Variants in KCNH1 observed in about 807,000 individuals in gnomAD.
The protein encoded by KCNH1 is voltage-gated delayed rectifier potassium channel KCNH1.
In KCNH1, 27 loss-of-function variants were observed where a neutral mutation model predicts 69.2. The ratio of observed to expected loss-of-function variants is 0.39; its 90% CI spans 0.29 to 0.54. KCNH1 has a LOEUF of 0.54. KCNH1 is among the 20% of genes least tolerant of loss of function. KCNH1 has a pLI of 0.68. For synonymous variants in KCNH1, 456 were observed against 487.7 expected, an observed-to-expected ratio of 0.93 and a Z score of 0.86; for missense variants, 798 against 1,261.6, an observed-to-expected ratio of 0.63 and a Z score of 5.57.
intron 7 of KCNH1, among the ~76,000 whole-genome samples, chr1:210,868,696 G>A (rs903442199): frequency 6.6e-6 from 1 of 151,830 alleles, no homozygotes; most frequent in Non-Finnish European, 1.5e-5. Context: ...CCCTTTTATA[G>A]TCACACCCAC....
chr1:210,998,229 G>C (rs528002638), intron 6 of KCNH1, among the ~76,000 whole-genome samples: 14 of 152,302 alleles, frequency 9.2e-5, no homozygotes, highest in African/African-American at 3.1e-4. Flanking sequence ...ATTGGACAAA[G>C]AGTCAAGACC....
intron 10 of KCNH1, among the ~76,000 whole-genome samples, chr1:210,744,703 G>A (rs1419909542): frequency 1.3e-5 from 2 of 152,090 alleles, no homozygotes; most frequent in South Asian, 4.1e-4. Flanking sequence ...TTACCCCATA[G>A]ATTCTAATTC....
chr1:210,736,233 T>C (rs965442744), intron 10 of KCNH1, among the ~76,000 whole-genome samples: 3 of 152,104 alleles, frequency 2.0e-5, no homozygotes, highest in Non-Finnish European at 4.4e-5. Context: ...ATCTCCTTTT[T>C]AAAAACTTTA....
chr1:210,937,906 T>C (rs1254008832), intron 6 of KCNH1, among the ~76,000 whole-genome samples: 21 of 152,222 alleles, frequency 1.4e-4, no homozygotes, highest in Admixed American at 1.3e-3. Context: ...CTCTTCTCAA[T>C]ATAGACCCTT....
chr1:210,912,794 C>A (rs775696463), intron 7 of KCNH1, among the ~76,000 whole-genome samples: 8 of 152,106 alleles, frequency 5.3e-5, no homozygotes, highest in Non-Finnish European at 2.9e-5. Context: ...TGACTGGTTC[C>A]AAAATGTAGG....
At chr1:211,107,411 C>T (rs1295439208) in intron 1 of KCNH1, 34 bp from the exon 2 acceptor site, 1 of 1,590,814 alleles carries the variant, frequency 6.3e-7, no homozygotes, top group Non-Finnish European at 8.6e-7. Context: ...AAAAAGGGCA[C>T]ATGAGGCAAC....
rs545859808 is a variant in KCNH1 at position 210,681,045 on chromosome 1, A to T, written c.*2236T>A. On this transcript the variant is annotated 3_prime_UTR_variant, in exon 11 of 11. Coordinates refer to ENST00000271751, the MANE Select transcript of KCNH1 (RefSeq NM_172362.3). ...GTCATCAAGTCCCTGGAGAGCTGAG[A>T]GGCAAAAAAGTGTCTCCAGTGGCAG... The T allele has an allele frequency of 6.6e-6, 1 of 152,200 alleles. No individual in the cohort carries two copies. Among genetic ancestry groups the T allele is most frequent in the Non-Finnish European group, 1.5e-5 (1 of 68,060 alleles). 9.4% of individuals were successfully genotyped at this position (152,200 alleles called of 1,614,324 possible).
intron 6 of KCNH1, among the ~76,000 whole-genome samples, chr1:210,983,140 G>C (rs371095466): frequency 3.3e-5 from 5 of 151,980 alleles, no homozygotes; most frequent in East Asian, 1.9e-4. Flanking sequence ...TTGTAAATTT[G>C]TTTGAGTTCA....
At chr1:210,838,001 T>C (rs1303010737) in intron 7 of KCNH1, among the ~76,000 whole-genome samples, 1 of 152,136 alleles carries the variant, frequency 6.6e-6, no homozygotes, top group East Asian at 1.9e-4. Context: ...ATTTTAAAAT[T>C]CACATGGAAT....
intron 7 of KCNH1, among the ~76,000 whole-genome samples, chr1:210,898,561 C>A (rs1037961027): frequency 2.0e-5 from 3 of 152,200 alleles, no homozygotes; most frequent in Admixed American, 2.0e-4. Flanking sequence ...GCTGGGACTG[C>A]CTAGGAAAGG....
At chr1:210,750,436 C>T (rs1354946002) in intron 10 of KCNH1, among the ~76,000 whole-genome samples, 1 of 152,032 alleles carries the variant, frequency 6.6e-6, no homozygotes, top group Non-Finnish European at 1.5e-5. Context: ...AAGGCAGCAA[C>T]AAGTAGGTCC....
At chr1:210,835,148 C>T (rs779942574) in intron 7 of KCNH1, among the ~76,000 whole-genome samples, 1 of 152,112 alleles carries the variant, frequency 6.6e-6, no homozygotes, top group East Asian at 1.9e-4. Flanking sequence ...TATGCAAATC[C>T]TTTCTGTGTA....
At chr1:210,858,066 G>C (rs1207490472) in intron 7 of KCNH1, 1 of 152,168 alleles carries the variant, frequency 6.6e-6, no homozygotes, top group Non-Finnish European at 1.5e-5. Flanking sequence ...AGGAAAAATT[G>C]TCACAATTGT....
At chr1:210,762,235 A>G (rs1683537879) in intron 10 of KCNH1, among the ~76,000 whole-genome samples, 1 of 152,208 alleles carries the variant, frequency 6.6e-6, no homozygotes, top group Non-Finnish European at 1.5e-5. Flanking sequence ...AAACAGTGTT[A>G]AGAGGAAAGT....
chr1:210,796,281 A>T lies in KCNH1; in HGVS notation c.1915+1227T>A, dbSNP rs370645464. On this transcript the variant is annotated intron_variant, in intron 9 of 10. Coordinates refer to ENST00000271751, the MANE Select transcript of KCNH1 (RefSeq NM_172362.3). ...TCATCAGCCATGAGGAAATTTCCTT[A>T]ATCTCTTTGAACTTTAATTCTCTCA... Among the ~76,000 whole-genome samples the T allele has an allele frequency of 2.0e-5, 3 of 152,146 alleles. No individual in the cohort carries two copies. In the East Asian group the frequency reaches 5.8e-4, roughly 29 times the overall value.
At chr1:211,014,066 G>T (rs1455692125) in intron 6 of KCNH1, among the ~76,000 whole-genome samples, 2 of 152,136 alleles carry the variant, frequency 1.3e-5, no homozygotes, top group Admixed American at 6.6e-5. Context: ...GCTGTCTGAG[G>T]TTACAGAGCC....
intron 7 of KCNH1, among the ~76,000 whole-genome samples, chr1:210,824,753 G>C (rs1164512053): frequency 6.6e-6 from 1 of 152,182 alleles, no homozygotes; most frequent in Non-Finnish European, 1.5e-5. Flanking sequence ...TTACAGTTTA[G>C]TTGTAGTGTG....
intron 10 of KCNH1, among the ~76,000 whole-genome samples, chr1:210,721,320 T>TAATC (rs773742286): frequency 6.6e-6 from 1 of 152,200 alleles, no homozygotes; most frequent in Non-Finnish European, 1.5e-5. Context: ...GCTAGCCTGA[T>TAATC]AATCAGAGTG....
At chr1:210,706,376 A>C (rs1197571366) in intron 10 of KCNH1, among the ~76,000 whole-genome samples, 2 of 152,384 alleles carry the variant, frequency 1.3e-5, no homozygotes, top group African/African-American at 4.8e-5. Flanking sequence ...TAATATTTGC[A>C]GGAGCAAAAT....
Sources: gnomAD v4.1 joint callset for allele counts (sites outside exome capture counted in the v4.1 genomes callset) on GRCh38, gnomAD v4.1.1 for gene constraint, MANE v1.5 for transcripts, NCBI Gene and HGNC (gene_info 2026-07-23, HGNC 2026-07-21) for gene names.